PLS1: variants seen among roughly 807,000 people sequenced by gnomAD.
PLS1 encodes plastin 1.
Under a neutral mutation model 73.7 loss-of-function variants are expected in PLS1, and 32 were observed. The observed-to-expected ratio is 0.43, with a 90% CI of 0.33 to 0.58. The LOEUF is 0.58. PLS1 is among the 20% of genes least tolerant of loss of function. The pLI is 0.04. For synonymous variants in PLS1, 217 were observed against 261.3 expected, an observed-to-expected ratio of 0.83 and a Z score of 1.63; for missense variants, 633 against 740.5, an observed-to-expected ratio of 0.85 and a Z score of 1.68.
chr3:142,669,659 G>T (rs1205054617), intron 3 of PLS1, 106 bp downstream of exon 3: 3 of 638,562 alleles, frequency 4.7e-6, no homozygotes, highest in African/African-American at 2.1e-5. Context: ...ACCAGAAAAA[G>T]GACTGCTTTA....
rs373105692 is a variant in PLS1, at chr3:142,671,028, A to C, written c.270A>C (p.Lys90Asn). The change falls in exon 4 of 16, where the codon AAA becomes AAC. Residue 90 changes from lysine to asparagine, a missense_variant. Physicochemically the swap from Lys to Asn is moderately conservative, Grantham distance 94. Transcript: ENST00000457734. ...MQELKSKDISKTFRKIINKRE... is the reference protein window; with the variant it reads ...MQELKSKDISNTFRKIINKRE... ...AATTAAAAAGCAAAGATATCAGCAA[A>C]ACATTCCGAAAAATAATTAACAAGA... The C allele has an allele frequency of 6.2e-7, 1 of 1,603,040 alleles. No homozygotes were observed. The highest frequency in any genetic ancestry group is 1.3e-5 in the African/African-American group (1 of 74,666).
chr3:142,659,052 A>G (rs1435169983), intron 1 of PLS1, among the ~76,000 whole-genome samples: 1 of 152,218 alleles, frequency 6.6e-6, no homozygotes, highest in African/African-American at 2.4e-5. Flanking sequence ...TGCTTGTACC[A>G]TCAGTAGAGC....
In PLS1 at chr3:142,665,000, T is replaced by C. The variant is rs2037449034; in HGVS notation, c.70+693T>C. On this transcript the variant is annotated intron_variant, in intron 2 of 15. Coordinates refer to ENST00000457734, the MANE Select transcript of PLS1 (RefSeq NM_001145319.2). ...TTTTTTTTTTGCTTTAGTTTGCAAA[T>C]GCATGCAAGTGAAAGGTGAACCCAG... Among the ~76,000 whole-genome samples the C allele has an allele frequency of 2.0e-5, 3 of 149,676 alleles. No individual in the cohort carries two copies. The South Asian group carries it at 6.3e-4, about 32-fold the overall frequency.
At chr3:142,653,776 G>A (rs2107798927) in intron 1 of PLS1, among the ~76,000 whole-genome samples, 1 of 152,216 alleles carries the variant, frequency 6.6e-6, no homozygotes, top group African/African-American at 2.4e-5. Context: ...TAAACAGAAA[G>A]TGAATTAGAA....
At chr3:142,695,107 G>A (rs1256182294) in intron 11 of PLS1, among the ~76,000 whole-genome samples, 2 of 150,604 alleles carry the variant, frequency 1.3e-5, no homozygotes, top group African/African-American at 5.0e-5. Flanking sequence ...TGGATGAGAG[G>A]AAACCATTCT....
intron 1 of PLS1, among the ~76,000 whole-genome samples, chr3:142,648,476 C>T (rs1334196957): frequency 6.6e-6 from 1 of 152,048 alleles, no homozygotes; most frequent in African/African-American, 2.4e-5. Flanking sequence ...TTGCGGGAGG[C>T]ATCAGTTTTT....
At position 142,697,964 on chromosome 3, in the gene PLS1, A is replaced by T; in HGVS notation, c.1268A>T (p.Asp423Val). 1.9e-6 allele frequency: 3 copies of T among 1,609,534 alleles called. No individual in the cohort carries two copies. Among genetic ancestry groups the T allele is most frequent in the Non-Finnish European group, 2.6e-6 (3 of 1,176,110 alleles). The change falls in exon 12 of 16, where the codon GAT (aspartate) becomes GTT (valine). Residue 423 changes from aspartate to valine, a missense_variant. Transcript: ENST00000457734. ...CCTTCCTGCTTCAGTGACCTTGCAG[A>T]TGCTTTAGTGATCTTTCAGCTCTAT... Reference protein sequence around the residue: ...YINHLYSDLADALVIFQLYEM... With the variant: ...YINHLYSDLAVALVIFQLYEM...
At chr3:142,630,753 A>G (rs370456610) in intron 1 of PLS1, among the ~76,000 whole-genome samples, 1 of 151,992 alleles carries the variant, frequency 6.6e-6, no homozygotes, top group East Asian at 1.9e-4. Context: ...CTCTGTCTCA[A>G]AAAAGAAAAA....
chr3:142,706,264 A>G (rs2038460251), intron 14 of PLS1, among the ~76,000 whole-genome samples: 1 of 152,222 alleles, frequency 6.6e-6, no homozygotes, highest in African/African-American at 2.4e-5. Context: ...AGGTAACAAT[A>G]CTACAGAGTA....
chr3:142,618,634 C>T (rs903186856), intron 1 of PLS1, among the ~76,000 whole-genome samples: 1 of 152,112 alleles, frequency 6.6e-6, no homozygotes, highest in Non-Finnish European at 1.5e-5. Context: ...AAGGCCATCC[C>T]CAGCTTCTAG....
intron 1 of PLS1, among the ~76,000 whole-genome samples, chr3:142,607,510 A>AT: frequency 6.6e-6 from 1 of 152,282 alleles, no homozygotes; most frequent in East Asian, 1.9e-4. Context: ...TCTGGACCTC[A>AT]TGATCCACCC....
At chr3:142,651,027 G>A (rs1291385624) in intron 1 of PLS1, among the ~76,000 whole-genome samples, 1 of 152,126 alleles carries the variant, frequency 6.6e-6, no homozygotes, top group African/African-American at 2.4e-5. Flanking sequence ...ATTGGGTTCA[G>A]GAATATGATG....
rs182914807 is a variant in PLS1 at position 142,664,210 on chromosome 3, A to G, written c.-28A>G. On this transcript the variant is annotated 5_prime_UTR_variant, in exon 2 of 16. Transcript: ENST00000457734. ...AATATTGCTTTTTCTAGATATAAAG[A>G]CCTGAAGATAGTCTTTTCTGTCCAA... The G allele has an allele frequency of 1.5e-6, 2 of 1,321,236 alleles. No individual in the cohort carries two copies. Among genetic ancestry groups the G allele is most frequent in the African/African-American group, 1.5e-5 (1 of 67,610 alleles). The allele number at this position is 1,321,236 out of a possible 1,614,324, so 81.8% of individuals were successfully genotyped here.
intron 3 of PLS1, 119 bp downstream of exon 3, chr3:142,669,672 ATG>A: frequency 1.1e-5 from 1 of 87,186 alleles, no homozygotes; most frequent in Non-Finnish European, 2.3e-5. Context: ...CTGCTTTAAA[ATG>A]ATGATGATGA....
Position 142,690,695 on chromosome 3 carries a change from T to C in PLS1, c.1177+882T>C, listed in dbSNP as rs566591444. On this transcript the variant is annotated intron_variant, in intron 10 of 15. Transcript: ENST00000457734. ...GGATTCATTTAGGTTCTATAACATA[T>C]TATTTTGTATCAATTAGCTATGTTA... Among the ~76,000 whole-genome samples, 729 of 152,346 alleles carry C rather than the reference T, an allele frequency of 4.8e-3. 1 individual carries two copies. Among genetic ancestry groups the C allele is most frequent in the African/African-American group, 0.016 (666 of 41,586 alleles).
At chr3:142,680,068 C>T (rs1485746338) in intron 6 of PLS1, among the ~76,000 whole-genome samples, 1 of 152,066 alleles carries the variant, frequency 6.6e-6, no homozygotes, top group African/African-American at 2.4e-5. Flanking sequence ...TGATTTGGCT[C>T]TCTGTTTGTC....
chr3:142,672,248 G>T (rs1480715073), intron 4 of PLS1, among the ~76,000 whole-genome samples: 2 of 151,682 alleles, frequency 1.3e-5, no homozygotes, highest in African/African-American at 2.4e-5. Flanking sequence ...CTTCCCTAGA[G>T]GTAACCTCTT....
chr3:142,612,892 G>A (rs2108549328), intron 1 of PLS1, among the ~76,000 whole-genome samples: 1 of 152,148 alleles, frequency 6.6e-6, no homozygotes, highest in East Asian at 1.9e-4. Context: ...AGCCTCCTGA[G>A]TAGCCGGGAT....
At chr3:142,643,228 TTG>T (rs2108617876) in intron 1 of PLS1, among the ~76,000 whole-genome samples, 2 of 151,042 alleles carry the variant, frequency 1.3e-5, no homozygotes, top group East Asian at 3.9e-4. Flanking sequence ...GGGCCAGGAG[TTG>T]TGTCAGGGTA....
Sources: allele counts gnomAD v4.1 joint callset (sites outside exome capture counted in the v4.1 genomes callset), GRCh38; gene constraint gnomAD v4.1.1; transcripts MANE v1.5; gene names NCBI Gene and HGNC (gene_info 2026-07-23, HGNC 2026-07-21).